The following SLC15A5 variants were observed in gnomAD, a reference collection of about 807,000 sequenced individuals.
SLC15A5 encodes the protein Peptide/histidine transporter ENSP00000340402.
A neutral mutation model predicts 56.1 loss-of-function variants in SLC15A5; 58 were observed. That is an observed-to-expected ratio of 1.03 (90% CI 0.84 to 1.29). The LOEUF (loss-of-function observed/expected upper bound fraction) is 1.29. Among genes scored for constraint, SLC15A5 ranks in the 50% most tolerant of loss-of-function variants. The pLI, the probability that SLC15A5 is intolerant of heterozygous loss-of-function variation, is 0.00. For missense variants in SLC15A5, 681 were observed against 672.1 expected (o/e 1.01, Z -0.15); for synonymous variants, 264 against 250.5 (o/e 1.05, Z -0.51).
At chr12:16,190,921 G>T (rs532376008) in intron 8 of SLC15A5, among the ~76,000 whole-genome samples, 1 of 152,206 alleles carries the variant, frequency 6.6e-6, no homozygotes, top group South Asian at 2.1e-4. Context: ...TGGAAGGACA[G>T]TGGTGTTAGT....
At chr12:16,221,039 G>C (rs538818934) in intron 6 of SLC15A5, among the ~76,000 whole-genome samples, 1 of 151,864 alleles carries the variant, frequency 6.6e-6, no homozygotes, top group Admixed American at 6.6e-5. Context: ...TATGTCTACT[G>C]TCATTTATGG....
At position 16,277,487 on chromosome 12, in the gene SLC15A5, AG is replaced by A. The variant is rs753680231; in HGVS notation, c.198del (p.Cys68AlafsTer15). 6.5e-7 allele frequency: 1 copy of A among 1,536,570 alleles called. No homozygotes were observed. The highest frequency in any genetic ancestry group is 1.2e-5 in the South Asian group (1 of 84,050). On this transcript the variant is annotated frameshift_variant, in exon 1 of 9. Transcript: ENST00000344941. LOFTEE classifies it high-confidence loss of function. Reference sequence around the variant, plus strand: ...TGATAGCCAAGCTTGATAGTGCAAAAGGGGATCATGTTGCAGACGACTTCAA... The same window carrying A: ...TGATAGCCAAGCTTGATAGTGCAAAAGGGATCATGTTGCAGACGACTTCAA... ...TFFEVVCNMI[P>X]FCTIKLGYHN... is the part of the protein sequence containing the mutation.
At chr12:16,268,738 C>G (rs866639841) in intron 2 of SLC15A5, among the ~76,000 whole-genome samples, 2 of 152,152 alleles carry the variant, frequency 1.3e-5, no homozygotes, top group East Asian at 1.9e-4. Context: ...AGTTTCATTT[C>G]TTTTCAAAGG....
chr12:16,272,469 A>T, intron 2 of SLC15A5, 92 bp downstream of exon 2: 1 of 1,202,546 alleles, frequency 8.3e-7, no homozygotes, highest in South Asian at 1.4e-5. Flanking sequence ...AATTCATCAC[A>T]AAGACTGAGC....
intron 7 of SLC15A5, 88 bp downstream of exon 7, chr12:16,216,805 C>T: frequency 8.3e-7 from 1 of 1,203,316 alleles, no homozygotes; most frequent in South Asian, 1.8e-5. Context: ...AAAGACTGCA[C>T]TGACAAAGCC....
chr12:16,201,611 A>AGG (rs1565656438), intron 7 of SLC15A5, among the ~76,000 whole-genome samples: 2 of 152,074 alleles, frequency 1.3e-5, no homozygotes, highest in Non-Finnish European at 2.9e-5. Flanking sequence ...TTCTCATGAT[A>AGG]GTGAGTGAGT....
At chr12:16,264,866 C>G (rs758491054) in intron 2 of SLC15A5, among the ~76,000 whole-genome samples, 2 of 152,184 alleles carry the variant, frequency 1.3e-5, no homozygotes, top group Non-Finnish European at 2.9e-5. Flanking sequence ...CCACATGGAA[C>G]TGTAAGTCAA....
intron 5 of SLC15A5, 108 bp downstream of exon 5, chr12:16,239,573 A>T: frequency 1.8e-6 from 2 of 1,111,758 alleles, no homozygotes; most frequent in Admixed American, 2.8e-5. Flanking sequence ...TTTCCATATT[A>T]TCAAAATCTG....
chr12:16,191,653 G>GAA (rs1422946878), intron 8 of SLC15A5, among the ~76,000 whole-genome samples: 3 of 151,980 alleles, frequency 2.0e-5, no homozygotes, highest in African/African-American at 7.3e-5. Flanking sequence ...AATCAGTATA[G>GAA]AAAAAAATCG....
At chr12:16,211,201 C>T (rs182750056) in intron 7 of SLC15A5, among the ~76,000 whole-genome samples, 1 of 152,296 alleles carries the variant, frequency 6.6e-6, no homozygotes, top group East Asian at 1.9e-4. Context: ...TAGGTATGAG[C>T]CCATGAAATG....
chr12:16,206,879 T>C (rs1406170272), intron 7 of SLC15A5, among the ~76,000 whole-genome samples: 1 of 152,194 alleles, frequency 6.6e-6, no homozygotes, highest in Non-Finnish European at 1.5e-5. Flanking sequence ...GCATGGGTGA[T>C]ATTTGGCATA....
chr12:16,247,041 G>C (rs1024211010), intron 3 of SLC15A5, among the ~76,000 whole-genome samples: 8 of 152,018 alleles, frequency 5.3e-5, no homozygotes, highest in African/African-American at 1.9e-4. Context: ...AGATTCAACA[G>C]ACATAAGATG....
At chr12:16,255,813 T>C (rs888400795) in intron 3 of SLC15A5, among the ~76,000 whole-genome samples, 1 of 151,600 alleles carries the variant, frequency 6.6e-6, no homozygotes, top group Non-Finnish European at 1.5e-5. Flanking sequence ...GTGAGAAAAG[T>C]GTGAATTATA....
intron 3 of SLC15A5, among the ~76,000 whole-genome samples, chr12:16,251,592 A>T (rs1293559881): frequency 6.6e-6 from 1 of 151,854 alleles, no homozygotes; most frequent in East Asian, 1.9e-4. Flanking sequence ...AGCTTTCTAT[A>T]AACATACAAC....
intron 5 of SLC15A5, among the ~76,000 whole-genome samples, chr12:16,230,411 C>CT (rs1396966683): frequency 4.0e-5 from 6 of 151,770 alleles, no homozygotes; most frequent in South Asian, 2.1e-4. Context: ...TTACTGAGCT[C>CT]TTTTTTTTGT....
At position 16,224,566 on chromosome 12, in the gene SLC15A5, A is replaced by G. The variant is rs1332469317; in HGVS notation, c.1199T>C (p.Ile400Thr). 2 of 1,537,116 alleles carry G rather than the reference A, an allele frequency of 1.3e-6. No individual in the cohort carries two copies. The highest frequency in any genetic ancestry group is 8.7e-7 in the Non-Finnish European group (1 of 1,146,836). ...TCGGTGTATTTCAAAGAAGCCAGCT[A>G]TCATCACAGACAATGCAGCAAAAAG... ...GNLFAALSVM[I>T]AGFFEIHRKH... Residue 400 changes from isoleucine (I) to threonine (T), a missense_variant, in exon 6 of 9, where the codon ATA becomes ACA. Ile to Thr is a moderately conservative substitution (Grantham distance 89). Coordinates refer to ENST00000344941, the MANE Select transcript of SLC15A5 (RefSeq NM_001170798.1).
intron 1 of SLC15A5, 23 bp from the exon 2 acceptor site, chr12:16,272,806 A>G: frequency 6.6e-7 from 1 of 1,514,130 alleles, no homozygotes; most frequent in Non-Finnish European, 8.9e-7. Context: ...AAAAAAAAAG[A>G]GTAAATGTAG....
chr12:16,245,452 G>A (rs909401972), intron 3 of SLC15A5, among the ~76,000 whole-genome samples: 3 of 152,176 alleles, frequency 2.0e-5, no homozygotes, highest in Non-Finnish European at 4.4e-5. Context: ...GATCAGAAGC[G>A]CTTTATTGCT....
chr12:16,253,467 A>G (rs773937631), intron 3 of SLC15A5, among the ~76,000 whole-genome samples: 7 of 152,278 alleles, frequency 4.6e-5, no homozygotes, highest in Non-Finnish European at 8.8e-5. Flanking sequence ...ACCTGTTTAA[A>G]AAATGACCAA....
Sources: allele counts gnomAD v4.1 joint callset (sites outside exome capture counted in the v4.1 genomes callset), GRCh38; gene constraint gnomAD v4.1.1; transcripts MANE v1.5; gene names NCBI Gene and HGNC (gene_info 2026-07-23, HGNC 2026-07-21).